The following ATP9A variants were observed in gnomAD, a reference collection of about 807,000 sequenced individuals.
The protein encoded by ATP9A is ATPase phospholipid transporting 9A, also known as probable phospholipid-transporting ATPase IIA.
A neutral mutation model predicts 144.1 loss-of-function variants in ATP9A; 52 were observed. The ratio of observed to expected loss-of-function variants is 0.36; its 90% CI spans 0.29 to 0.45. The LOEUF is 0.45. ATP9A is among the 20% of genes least tolerant of loss of function. ATP9A has a pLI of 1.00. For synonymous variants in ATP9A, 582 were observed against 557.4 expected, an observed-to-expected ratio of 1.04 and a Z score of -0.62; for missense variants, 947 against 1,392.7, an observed-to-expected ratio of 0.68 and a Z score of 5.09.
At position 51,597,420 on chromosome 20, in the gene ATP9A, C is replaced by T. The variant is rs1300706471; in HGVS notation, c.*3791G>A. On this transcript the variant is annotated 3_prime_UTR_variant, in exon 28 of 28. Transcript: ENST00000338821. Reference sequence around the variant, plus strand: ...TAAAATGTGTTGTATTTACAAAGCTCTTTGTATATTTTTTTAAATGAAAAC... The same window carrying T: ...TAAAATGTGTTGTATTTACAAAGCTTTTTGTATATTTTTTTAAATGAAAAC... 6.6e-6 allele frequency: 1 copy of T among 152,064 alleles called. No homozygotes were observed. Among genetic ancestry groups the T allele is most frequent in the Non-Finnish European group, 1.5e-5 (1 of 68,028 alleles). The allele number at this position is 152,064 out of a possible 1,614,324, so 9.4% of individuals were successfully genotyped here. A position where few individuals can be genotyped will look rare whatever the true frequency, so the allele number is the denominator to read the frequency against.
chr20:51,613,460 T>C (rs1009826582), intron 23 of ATP9A, among the ~76,000 whole-genome samples: 2 of 152,100 alleles, frequency 1.3e-5, no homozygotes, highest in African/African-American at 4.8e-5. Context: ...CACCAAGAAG[T>C]TCAGGGACTG....
At chr20:51,761,961 C>T (rs905004769) in intron 1 of ATP9A, among the ~76,000 whole-genome samples, 2 of 152,152 alleles carry the variant, frequency 1.3e-5, no homozygotes, top group African/African-American at 4.8e-5. Flanking sequence ...CATTCCTTGG[C>T]TCATGGCCCC....
At chr20:51,717,793 A>G (rs1354073209) in intron 3 of ATP9A, among the ~76,000 whole-genome samples, 1 of 152,000 alleles carries the variant, frequency 6.6e-6, no homozygotes, top group African/African-American at 2.4e-5. Flanking sequence ...GTATCCACTA[A>G]AAATACAAAA....
chr20:51,704,838 A>G (rs2077608716), intron 4 of ATP9A, among the ~76,000 whole-genome samples: 1 of 152,238 alleles, frequency 6.6e-6, no homozygotes, highest in African/African-American at 2.4e-5. Context: ...GCAGTATGAA[A>G]AAGTATTCAG....
intron 1 of ATP9A, among the ~76,000 whole-genome samples, chr20:51,763,859 T>C (rs987472239): frequency 6.6e-6 from 1 of 152,088 alleles, no homozygotes; most frequent in Non-Finnish European, 1.5e-5. Flanking sequence ...TAAGCTCCCA[T>C]CCTTGCCACA....
chr20:51,739,485 G>A (rs1009805617), intron 1 of ATP9A, among the ~76,000 whole-genome samples: 1 of 151,608 alleles, frequency 6.6e-6, no homozygotes, highest in Non-Finnish European at 1.5e-5. Flanking sequence ...CCGAGTAGCT[G>A]GGACTACAGG....
chr20:51,619,575 AAGG>A (rs781497758), intron 19 of ATP9A, among the ~76,000 whole-genome samples: 40,935 of 116,402 alleles, frequency 0.35, 6,454 homozygotes, highest in Non-Finnish European at 0.39. Context: ...AAAAAAAAAA[AAGG>A]GGGGGGGGGG....
chr20:51,667,956 C>T (rs2077439649), intron 13 of ATP9A, among the ~76,000 whole-genome samples: 1 of 150,350 alleles, frequency 6.7e-6, no homozygotes. Context: ...GTAGTCCGAG[C>T]TACTTGGGAG....
intron 4 of ATP9A, among the ~76,000 whole-genome samples, chr20:51,699,518 ACT>A (rs1276906591): frequency 4.0e-5 from 6 of 151,860 alleles, no homozygotes; most frequent in Non-Finnish European, 8.8e-5. Context: ...TATTGAAACA[ACT>A]CTCTTTAATC....
rs73267749 is a variant in ATP9A at position 51,628,888 on chromosome 20, T to C, written c.1761+92A>G. ...GGGTGGTTTGTTACACAGCCACCGATAACAAATACAGAGACCCACCTTACC... is the reference window on the plus strand; with the variant it reads ...GGGTGGTTTGTTACACAGCCACCGACAACAAATACAGAGACCCACCTTACC... On this transcript the variant is annotated intron_variant, in intron 16 of 27. Coordinates refer to ENST00000338821, the MANE Select transcript of ATP9A (RefSeq NM_006045.3). The C allele has an allele frequency of 1.7e-3, 1,882 of 1,080,894 alleles. 25 individuals carry two copies. In the African/African-American group the frequency reaches 0.026, roughly 15 times the overall value. The allele number at this position is 1,080,894 out of a possible 1,614,324, so 67.0% of individuals were successfully genotyped here. A position where few individuals can be genotyped will look rare whatever the true frequency, so the allele number is the denominator to read the frequency against.
At chr20:51,672,270 T>C (rs1432125357) in intron 11 of ATP9A, among the ~76,000 whole-genome samples, 1 of 152,202 alleles carries the variant, frequency 6.6e-6, no homozygotes, top group East Asian at 1.9e-4. Context: ...GAGTATTCCA[T>C]TGTATGTATT....
chr20:51,613,889 T>G (rs2077193453), intron 22 of ATP9A, 57 bp from the exon 23 acceptor site: 1 of 1,494,294 alleles, frequency 6.7e-7, no homozygotes, highest in Admixed American at 2.1e-5. Flanking sequence ...GGCAAACACA[T>G]TTTCTTTCAC....
intron 8 of ATP9A, among the ~76,000 whole-genome samples, chr20:51,690,148 C>T (rs1403563793): frequency 2.1e-5 from 3 of 140,858 alleles, no homozygotes; most frequent in Non-Finnish European, 4.6e-5. Context: ...AGGCCAGGCT[C>T]AGTGGCTCAT....
chr20:51,723,529 G>A (rs1480462777), intron 3 of ATP9A, among the ~76,000 whole-genome samples: 2 of 150,856 alleles, frequency 1.3e-5, no homozygotes, highest in East Asian at 4.0e-4. Flanking sequence ...AGCTATGATT[G>A]CACACTGCAC....
intron 8 of ATP9A, among the ~76,000 whole-genome samples, chr20:51,689,980 T>C (rs2077539784): frequency 6.7e-6 from 1 of 150,348 alleles, no homozygotes; most frequent in African/African-American, 2.4e-5. Flanking sequence ...GGCGTGGTGA[T>C]GCACACCTGG....
intron 1 of ATP9A, among the ~76,000 whole-genome samples, chr20:51,764,146 T>G (rs1054930373): frequency 6.6e-6 from 1 of 152,204 alleles, no homozygotes; most frequent in Non-Finnish European, 1.5e-5. Context: ...ATTATTGATA[T>G]TCCCATTTTA....
intron 9 of ATP9A, among the ~76,000 whole-genome samples, chr20:51,682,510 C>T (rs74541564): frequency 0.02 from 3,030 of 148,076 alleles, 106 homozygotes; most frequent in African/African-American, 0.07. Context: ...CCTCTTTATT[C>T]CACCCAAAGA....
chr20:51,662,842 G>C (rs1048663216), intron 13 of ATP9A, among the ~76,000 whole-genome samples: 23 of 151,906 alleles, frequency 1.5e-4, no homozygotes, highest in Non-Finnish European at 8.8e-5. Flanking sequence ...AGGCTGAGGC[G>C]GGCGGATCAC....
chr20:51,753,447 T>A (rs1204471559), intron 1 of ATP9A, among the ~76,000 whole-genome samples: 1 of 113,650 alleles, frequency 8.8e-6, no homozygotes, highest in Non-Finnish European at 1.8e-5. Flanking sequence ...TGAGACTCCG[T>A]CTCAAAAAAC....
Sources: allele counts gnomAD v4.1 joint callset (sites outside exome capture counted in the v4.1 genomes callset), GRCh38; gene constraint gnomAD v4.1.1; transcripts MANE v1.5; gene names NCBI Gene and HGNC (gene_info 2026-07-23, HGNC 2026-07-21).